GPC6: variants seen among roughly 807,000 people sequenced by gnomAD.
GPC6 encodes the protein glypican-6.
Under a neutral mutation model 55.2 loss-of-function variants are expected in GPC6, and 14 were observed. That is an observed-to-expected ratio of 0.25 (90% CI 0.17 to 0.40). GPC6 has a LOEUF of 0.40. Among genes scored for constraint, GPC6 ranks in the 10% least tolerant of loss-of-function variants. The probability of loss-of-function intolerance (pLI) is 1.00; values close to 1 mark genes in which losing one functional copy is unlikely to be tolerated. For missense variants in GPC6, 641 were observed against 708.5 expected (o/e 0.90, Z 1.08); for synonymous variants, 278 against 259.6 (o/e 1.07, Z -0.68).
At chr13:93,975,800 T>C (rs923012992) in intron 3 of GPC6, among the ~76,000 whole-genome samples, 2 of 152,142 alleles carry the variant, frequency 1.3e-5, no homozygotes, top group African/African-American at 4.8e-5. Flanking sequence ...TTAAATGTAT[T>C]AGATTTTTTA....
intron 1 of GPC6, among the ~76,000 whole-genome samples, chr13:93,255,002 G>A (rs1156265972): frequency 1.3e-5 from 2 of 152,234 alleles, no homozygotes; most frequent in African/African-American, 2.4e-5. Flanking sequence ...AAGCCAGGAT[G>A]TTTCCAATCC....
chr13:93,262,457 CAT>C (rs1370008012), intron 1 of GPC6, among the ~76,000 whole-genome samples: 2 of 152,168 alleles, frequency 1.3e-5, no homozygotes, highest in African/African-American at 2.4e-5. Context: ...AATCCTTCCA[CAT>C]GTCTCATTTT....
At chr13:93,627,783 C>T (rs565118390) in intron 2 of GPC6, among the ~76,000 whole-genome samples, 2 of 152,302 alleles carry the variant, frequency 1.3e-5, no homozygotes, top group South Asian at 4.1e-4. Context: ...ATCGTGAAAT[C>T]CCACTTAGCG....
chr13:93,879,462 G>A (rs1464670147), intron 3 of GPC6, among the ~76,000 whole-genome samples: 4 of 151,588 alleles, frequency 2.6e-5, no homozygotes, highest in Non-Finnish European at 4.4e-5. Context: ...AAGCAATGGG[G>A]AAAGGATTCC....
At chr13:93,540,456 A>G (rs900356025) in intron 1 of GPC6, among the ~76,000 whole-genome samples, 1 of 152,078 alleles carries the variant, frequency 6.6e-6, no homozygotes, top group African/African-American at 2.4e-5. Context: ...AGAATAATGC[A>G]TTTCCTCTTC....
chr13:93,295,502 T>A (rs1035502276), intron 1 of GPC6, among the ~76,000 whole-genome samples: 18 of 151,778 alleles, frequency 1.2e-4, no homozygotes, highest in African/African-American at 4.1e-4. Flanking sequence ...TGTTTGTTTG[T>A]GTGTGTGTGT....
chr13:93,338,220 T>C (rs1254168997), intron 1 of GPC6, among the ~76,000 whole-genome samples: 1 of 152,204 alleles, frequency 6.6e-6, no homozygotes. Context: ...GGCATTGTAA[T>C]TCACCAGCAG....
chr13:93,666,575 T>C (rs1180251966), intron 2 of GPC6, among the ~76,000 whole-genome samples: 1 of 152,220 alleles, frequency 6.6e-6, no homozygotes, highest in East Asian at 1.9e-4. Flanking sequence ...AAATGGTATG[T>C]ATTGTAATAA....
chr13:93,533,445 G>A (rs571721035), intron 1 of GPC6, among the ~76,000 whole-genome samples: 23 of 152,258 alleles, frequency 1.5e-4, no homozygotes, highest in East Asian at 5.8e-4. Flanking sequence ...GAGACATGTC[G>A]AATGATGAGA....
intron 3 of GPC6, among the ~76,000 whole-genome samples, chr13:93,952,639 ATG>A (rs1244413104): frequency 6.6e-6 from 1 of 151,402 alleles, no homozygotes; most frequent in Non-Finnish European, 1.5e-5. Context: ...GTATATATGT[ATG>A]TGTCTGTATA....
intron 1 of GPC6, among the ~76,000 whole-genome samples, chr13:93,515,781 A>C (rs1283696153): frequency 1.3e-5 from 2 of 152,202 alleles, no homozygotes; most frequent in African/African-American, 4.8e-5. Flanking sequence ...ATTTAGACAC[A>C]CAATTAACCA....
At chr13:93,553,209 TTC>T (rs1324582997) in intron 2 of GPC6, among the ~76,000 whole-genome samples, 2 of 152,046 alleles carry the variant, frequency 1.3e-5, no homozygotes, top group East Asian at 3.9e-4. Flanking sequence ...TAAAAAATTA[TTC>T]TTTCTTCTTC....
rs528659089 is a variant in GPC6, at chr13:93,829,842, G to A, written c.320-312G>A. Among the ~76,000 whole-genome samples, 3 of 152,212 alleles carry A rather than the reference G, an allele frequency of 2.0e-5. No homozygotes were observed. The South Asian group carries it at 6.2e-4, about 32-fold the overall frequency. ...TTGCAATATATTTTGATTTGAGTTT[G>A]TATCAAACCATAGGATTATTTAAAA... is the stretch of plus-strand genomic sequence containing the variant. On this transcript the variant is annotated intron_variant, in intron 2 of 8. Coordinates refer to ENST00000377047, the MANE Select transcript of GPC6 (RefSeq NM_005708.5).
Position 94,053,893 on chromosome 13 carries a change from G to A in GPC6, c.877+25999G>A, listed in dbSNP as rs1179089557. Among the ~76,000 whole-genome samples, 8 of 152,090 alleles carry A rather than the reference G, an allele frequency of 5.3e-5. No individual in the cohort carries two copies. In the South Asian group the frequency reaches 1.0e-3, roughly 20 times the overall value. Reference sequence around the variant, plus strand: ...CTACCTAGTTTAACCAGGTATTTTAGTACATTTATTTTTAAAAGATATTAG... The same window carrying A: ...CTACCTAGTTTAACCAGGTATTTTAATACATTTATTTTTAAAAGATATTAG... On this transcript the variant is annotated intron_variant, in intron 4 of 8. Coordinates refer to ENST00000377047, the MANE Select transcript of GPC6 (RefSeq NM_005708.5).
chr13:93,266,050 T>C (rs1877314108), intron 1 of GPC6, among the ~76,000 whole-genome samples: 1 of 152,178 alleles, frequency 6.6e-6, no homozygotes, highest in Non-Finnish European at 1.5e-5. Context: ...CCACTGTACA[T>C]GTGTGTGTAT....
chr13:93,921,679 C>G (rs532183111), intron 3 of GPC6, among the ~76,000 whole-genome samples: 7 of 151,478 alleles, frequency 4.6e-5, no homozygotes, highest in African/African-American at 1.5e-4. Context: ...GCTCATGGAG[C>G]CTGGGGCTTG....
chr13:94,106,971 G>C (rs1886075933), intron 4 of GPC6, among the ~76,000 whole-genome samples: 1 of 152,096 alleles, frequency 6.6e-6, no homozygotes. Flanking sequence ...ATGCCTAGTA[G>C]ACAAAAGAAA....
At chr13:93,808,954 G>C (rs1243632642) in intron 2 of GPC6, among the ~76,000 whole-genome samples, 1 of 152,206 alleles carries the variant, frequency 6.6e-6, no homozygotes, top group African/African-American at 2.4e-5. Flanking sequence ...GGCTCCATCA[G>C]AGAAGTGCCT....
At chr13:93,728,800 C>T (rs1883730804) in intron 2 of GPC6, among the ~76,000 whole-genome samples, 1 of 152,074 alleles carries the variant, frequency 6.6e-6, no homozygotes, top group Non-Finnish European at 1.5e-5. Flanking sequence ...CTCCTGACCT[C>T]AGGTGTATCC....
Sources: gnomAD v4.1 joint callset for allele counts (sites outside exome capture counted in the v4.1 genomes callset) on GRCh38, gnomAD v4.1.1 for gene constraint, MANE v1.5 for transcripts, NCBI Gene and HGNC (gene_info 2026-07-23, HGNC 2026-07-21) for gene names.